SQOR: variants seen among roughly 807,000 people sequenced by gnomAD.
The protein encoded by SQOR is sulfide quinone oxidoreductase, also known as sulfide:quinone oxidoreductase, mitochondrial.
Under a neutral mutation model 48.6 loss-of-function variants are expected in SQOR, and 39 were observed. That is an observed-to-expected ratio of 0.80 (90% CI 0.62 to 1.05). The LOEUF (loss-of-function observed/expected upper bound fraction) is 1.05, where lower values mean the gene tolerates loss of function less well. Among genes scored for constraint, SQOR ranks in the 50% least tolerant of loss-of-function variants. The pLI is 0.00. For missense variants in SQOR, 561 were observed against 559.9 expected (o/e 1.00, Z -0.02); for synonymous variants, 220 against 206.2 (o/e 1.07, Z -0.57).
intron 4 of SQOR, 50 bp from the exon 5 acceptor site, chr15:45,673,557 A>C: frequency 6.4e-7 from 1 of 1,572,768 alleles, no homozygotes; most frequent in Non-Finnish European, 8.7e-7. Flanking sequence ...CAAGGACTCT[A>C]AAGACATTTG....
At chr15:45,662,228 C>A in intron 3 of SQOR, 103 bp downstream of exon 3, 1 of 1,187,824 alleles carries the variant, frequency 8.4e-7, no homozygotes, top group Non-Finnish European at 1.2e-6. Context: ...GGTATATATG[C>A]ATGTGTGTGC....
rs1042521701 is a variant in SQOR at position 45,665,392 on chromosome 15, A to T, written c.405+3267A>T. Among the ~76,000 whole-genome samples, 14 of 152,260 alleles carry T rather than the reference A, an allele frequency of 9.2e-5. No individual in the cohort carries two copies. In the East Asian group the frequency reaches 1.2e-3, roughly 13 times the overall value. ...TGGTTTTAATTCATCCTCCCAACAC[A>T]TCTGGGTCTTTTGGATTTATGACTC... is the stretch of plus-strand genomic sequence containing the variant. On this transcript the variant is annotated intron_variant, in intron 3 of 9. Coordinates refer to ENST00000260324, the MANE Select transcript of SQOR (RefSeq NM_021199.4).
intron 1 of SQOR, among the ~76,000 whole-genome samples, chr15:45,637,479 A>G (rs530114061): frequency 3.9e-5 from 6 of 152,206 alleles, no homozygotes; most frequent in Non-Finnish European, 7.3e-5. Flanking sequence ...TTGAATGAAT[A>G]AGTGGGTCAG....
chr15:45,634,480 C>A (rs1002858355), upstream of SQOR, among the ~76,000 whole-genome samples: 1 of 151,900 alleles, frequency 6.6e-6, no homozygotes, highest in African/African-American at 2.4e-5. Context: ...ACTGTGGAGG[C>A]CAGTGGCTGG....
intron 9 of SQOR, 199 bp downstream of exon 9, chr15:45,689,416 A>ATT: frequency 2.6e-6 from 1 of 384,912 alleles, no homozygotes; most frequent in Non-Finnish European, 4.5e-6. Context: ...CTGCTACCTT[A>ATT]CTTTTTTTTT....
chr15:45,664,690 G>T (rs75214967), intron 3 of SQOR, among the ~76,000 whole-genome samples: 9,029 of 152,056 alleles, frequency 0.059, 285 homozygotes, highest in South Asian at 0.11. Context: ...CTGGGCTTGA[G>T]GTCGGTGCAA....
At chr15:45,633,420 G>A (rs1029380014), upstream of SQOR, among the ~76,000 whole-genome samples, 1 of 152,146 alleles carries the variant, frequency 6.6e-6, no homozygotes, top group Non-Finnish European at 1.5e-5. Flanking sequence ...TGTTGGCTGG[G>A]TGCGATGGCT....
chr15:45,683,314 A>T lies in SQOR; in HGVS notation c.1048+653A>T, dbSNP rs191955735. Among the ~76,000 whole-genome samples the T allele has an allele frequency of 2.6e-4, 40 of 152,308 alleles. No homozygotes were observed. In the East Asian group the frequency reaches 7.5e-3, roughly 29 times the overall value. On this transcript the variant is annotated intron_variant, in intron 7 of 9. Coordinates refer to ENST00000260324, the MANE Select transcript of SQOR (RefSeq NM_021199.4). ...TTTTCTTCTGCCTGAAACACCATAA[A>T]GCTCGAGGAGCATTTGTTTTCCCAG...
intron 4 of SQOR, 71 bp from the exon 5 acceptor site, chr15:45,673,536 A>G (rs1889978630): frequency 1.3e-6 from 2 of 1,484,544 alleles, no homozygotes; most frequent in Admixed American, 3.8e-5. Flanking sequence ...GGTTGTAGAA[A>G]TGGCAAAGAA....
At chr15:45,685,545 A>G (rs1323048743) in intron 7 of SQOR, among the ~76,000 whole-genome samples, 1 of 152,122 alleles carries the variant, frequency 6.6e-6, no homozygotes, top group African/African-American at 2.4e-5. Flanking sequence ...ATAGAAGGGG[A>G]TTGTAATACA....
At chr15:45,647,814 A>C (rs1439623061) in intron 1 of SQOR, among the ~76,000 whole-genome samples, 1 of 152,030 alleles carries the variant, frequency 6.6e-6, no homozygotes, top group Non-Finnish European at 1.5e-5. Flanking sequence ...TACTCGGGAG[A>C]CTTGAAGCAC....
At chr15:45,647,776 C>T (rs556059529) in intron 1 of SQOR, among the ~76,000 whole-genome samples, 3 of 151,980 alleles carry the variant, frequency 2.0e-5, no homozygotes, top group Non-Finnish European at 2.9e-5. Context: ...ATTAGCTGGG[C>T]GTGGTTGTGG....
At chr15:45,682,455 G>T in intron 6 of SQOR, 23 bp from the exon 7 acceptor site, 1 of 1,612,506 alleles carries the variant, frequency 6.2e-7, no homozygotes, top group Non-Finnish European at 8.5e-7. Flanking sequence ...AAATGAAAAT[G>T]TGGATTCTCT....
At chr15:45,683,891 T>TATA (rs200091151) in intron 7 of SQOR, among the ~76,000 whole-genome samples, 1 of 126,336 alleles carries the variant, frequency 7.9e-6, no homozygotes, top group Non-Finnish European at 1.9e-5. Context: ...TATATATATA[T>TATA]TTTTGTTTGT....
intron 5 of SQOR, 40 bp from the exon 6 acceptor site, chr15:45,676,061 A>T (rs200314301): frequency 6.5e-7 from 1 of 1,536,264 alleles, no homozygotes; most frequent in Admixed American, 2.0e-5. Context: ...AGGCAGCTGC[A>T]GTCATGCTTT....
intron 7 of SQOR, among the ~76,000 whole-genome samples, chr15:45,684,502 T>C (rs935069211): frequency 1.3e-5 from 2 of 152,228 alleles, no homozygotes; most frequent in Non-Finnish European, 2.9e-5. Context: ...CCTGAGTCTG[T>C]GTACCTCCCT....
intron 1 of SQOR, among the ~76,000 whole-genome samples, chr15:45,657,553 T>C (rs1889633627): frequency 6.6e-6 from 1 of 152,108 alleles, no homozygotes; most frequent in East Asian, 1.9e-4. Context: ...AGGTTGCTTC[T>C]CAGATCTGAA....
At chr15:45,660,227 A>C (rs540973598) in intron 2 of SQOR, among the ~76,000 whole-genome samples, 11 of 152,204 alleles carry the variant, frequency 7.2e-5, no homozygotes, top group Non-Finnish European at 1.6e-4. Flanking sequence ...TGCCTGTTTC[A>C]GGGGGAGGAC....
At chr15:45,653,443 G>A (rs530029829) in intron 1 of SQOR, among the ~76,000 whole-genome samples, 11 of 152,260 alleles carry the variant, frequency 7.2e-5, no homozygotes, top group African/African-American at 2.4e-4. Flanking sequence ...ATGGCCATAT[G>A]GAAGAGACAT....
Sources: gnomAD v4.1 joint callset for allele counts (sites outside exome capture counted in the v4.1 genomes callset) on GRCh38, gnomAD v4.1.1 for gene constraint, MANE v1.5 for transcripts, NCBI Gene and HGNC (gene_info 2026-07-23, HGNC 2026-07-21) for gene names.